The following PCDHGA8 variants were observed in gnomAD, a reference collection of about 807,000 sequenced individuals.
PCDHGA8 encodes protocadherin gamma subfamily A, 8.
In PCDHGA8, 45 loss-of-function variants were observed where a neutral mutation model predicts 59.2. The observed-to-expected ratio is 0.76, with a 90% CI of 0.60 to 0.98. The LOEUF is 0.98. Ranked by LOEUF, PCDHGA8 falls within the 50% of genes least tolerant of loss-of-function variation. The pLI, the probability that PCDHGA8 is intolerant of heterozygous loss-of-function variation, is 0.00. For synonymous variants in PCDHGA8, 531 were observed against 519.0 expected (o/e 1.02, Z -0.32); for missense variants, 1,257 against 1,196.2 (o/e 1.05, Z -0.75).
intron 1 of PCDHGA8, among the ~76,000 whole-genome samples, chr5:141,453,864 G>A (rs758778743): frequency 2.6e-5 from 4 of 152,192 alleles, no homozygotes; most frequent in Non-Finnish European, 5.9e-5. Context: ...GAAAATAACA[G>A]ATGAGCAAAA....
rs144018757 is a variant in PCDHGA8, at chr5:141,443,001, A to G, written c.2424+47764A>G. On this transcript the variant is annotated intron_variant, in intron 1 of 3. Transcript: ENST00000398604. ...GTTAGCCTATAATTTCAGTAAATCTAAGAATATGACTAATGGAAGTTGCCA... is the reference window on the plus strand; with the variant it reads ...GTTAGCCTATAATTTCAGTAAATCTGAGAATATGACTAATGGAAGTTGCCA... Among the ~76,000 whole-genome samples the G allele has an allele frequency of 1.3e-3, 194 of 152,312 alleles. 1 individual carries two copies. The East Asian group carries it at 0.032, about 25-fold the overall frequency.
In PCDHGA8 at chr5:141,485,076, G is replaced by A; in HGVS notation, c.2425-9731G>A. 2.1e-6 allele frequency: 2 copies of A among 944,586 alleles called. No homozygotes were observed. Among genetic ancestry groups the A allele is most frequent in the East Asian group, 2.4e-5 (1 of 41,508 alleles). The allele number at this position is 944,586 out of a possible 1,614,324, so 58.5% of individuals were successfully genotyped here. ...CCGAACCGCGCCAGAGCTGGCGCGG[G>A]GAAAGGGAGATAGGTGTCTCCAGCT... On this transcript the variant is annotated intron_variant, in intron 1 of 3. Coordinates refer to ENST00000398604, the MANE Select transcript of PCDHGA8 (RefSeq NM_032088.2). This position sits in a 1 kb window ranked among gnomAD's most constrained non-coding sequence, Gnocchi z 5.7.
At chr5:141,418,171 G>A (rs2096234086) in intron 1 of PCDHGA8, 1 of 1,613,952 alleles carries the variant, frequency 6.2e-7, no homozygotes, top group African/African-American at 1.3e-5. Flanking sequence ...GATGTGAGTT[G>A]CAATTGGAAG....
intron 1 of PCDHGA8, among the ~76,000 whole-genome samples, chr5:141,407,130 T>C (rs1218017139): frequency 1.3e-5 from 2 of 152,230 alleles, no homozygotes; most frequent in Non-Finnish European, 2.9e-5. Flanking sequence ...TTGCTTTATT[T>C]TTAAGAAAAA....
intron 1 of PCDHGA8, 136 bp downstream of exon 1, chr5:141,395,373 G>A (rs2150613921): frequency 1.7e-6 from 2 of 1,189,412 alleles, no homozygotes; most frequent in African/African-American, 3.1e-5. Context: ...TATTTTGGTG[G>A]TGTTACTATA....
At chr5:141,413,056 T>A in intron 1 of PCDHGA8, 1 of 1,030,200 alleles carries the variant, frequency 9.7e-7, no homozygotes, top group East Asian at 2.6e-5. Flanking sequence ...GGAAGCTCAC[T>A]CCAGAATTTA....
chr5:141,402,882 G>C, intron 1 of PCDHGA8: 2 of 1,479,680 alleles, frequency 1.4e-6, no homozygotes, highest in East Asian at 4.8e-5. Context: ...TACTTTGCAG[G>C]GTGGAAGAAA....
intron 1 of PCDHGA8, chr5:141,399,055 GA>G: frequency 7.4e-6 from 12 of 1,613,844 alleles, no homozygotes; most frequent in Non-Finnish European, 1.0e-5. Context: ...AGAGACCAAG[GA>G]ATATTCAATG....
At chr5:141,423,852 G>T (rs796757517) in intron 1 of PCDHGA8, 36 of 1,279,400 alleles carry the variant, frequency 2.8e-5, no homozygotes, top group Non-Finnish European at 3.5e-5. Context: ...CTTTCAGAAC[G>T]TTTTTGTGAA....
At chr5:141,446,295 G>A (rs146503397) in intron 1 of PCDHGA8, among the ~76,000 whole-genome samples, 1 of 152,196 alleles carries the variant, frequency 6.6e-6, no homozygotes, top group Non-Finnish European at 1.5e-5. Flanking sequence ...TGGGGAGCAG[G>A]GATTAAGAGT....
At chr5:141,421,281 C>T in intron 1 of PCDHGA8, 2 of 1,612,970 alleles carry the variant, frequency 1.2e-6, no homozygotes, top group South Asian at 2.2e-5. Flanking sequence ...TGCTGCTGTG[C>T]ATTTTCCTGG....
At position 141,433,290 on chromosome 5, in the gene PCDHGA8, C is replaced by T. The variant is rs186668064; in HGVS notation, c.2424+38053C>T. ...CTCACTGCAGCCTCAAACTCCTAGG[C>T]TCAAGCAATTATCCCACCTTTGCCT... On this transcript the variant is annotated intron_variant, in intron 1 of 3. Transcript: ENST00000398604. The T allele has an allele frequency of 1.6e-3, 1,738 of 1,107,746 alleles. 60 individuals carry two copies. In the Admixed American group the frequency reaches 0.041, roughly 26 times the overall value. 68.6% of individuals were successfully genotyped at this position (1,107,746 alleles called of 1,614,324 possible). A position where few individuals can be genotyped will look rare whatever the true frequency, so the allele number is the denominator to read the frequency against.
Position 141,451,147 on chromosome 5 carries a change from A to G in PCDHGA8, c.2425-43660A>G, listed in dbSNP as rs2098708727. ...CCAGCCTTATGATTGTATTTAGACT[A>G]GACATTTTTTTGGTAGTATATTATT... On this transcript the variant is annotated intron_variant, in intron 1 of 3. Coordinates refer to ENST00000398604, the MANE Select transcript of PCDHGA8 (RefSeq NM_032088.2). Among the ~76,000 whole-genome samples, 3 of 152,250 alleles carry G rather than the reference A, an allele frequency of 2.0e-5. No homozygotes were observed. In the South Asian group the frequency reaches 6.2e-4, roughly 32 times the overall value.
chr5:141,423,883 A>G, intron 1 of PCDHGA8: 2 of 1,283,462 alleles, frequency 1.6e-6, no homozygotes, highest in Non-Finnish European at 2.0e-6. Context: ...CAATCTTGGC[A>G]TATTTTCTTT....
At chr5:141,409,507 T>C (rs1220086382) in intron 1 of PCDHGA8, 3 of 1,613,982 alleles carry the variant, frequency 1.9e-6, no homozygotes, top group South Asian at 1.1e-5. Flanking sequence ...TTTCTTCCAG[T>C]AGAAGCATCA....
At chr5:141,447,520 T>C (rs1156521785) in intron 1 of PCDHGA8, among the ~76,000 whole-genome samples, 1 of 152,202 alleles carries the variant, frequency 6.6e-6, no homozygotes, top group Non-Finnish European at 1.5e-5. Context: ...ATAACAATCA[T>C]AACAAAATTG....
At position 141,498,660 on chromosome 5, in the gene PCDHGA8, G is replaced by A. The variant is rs969314533; in HGVS notation, c.2483+3795G>A. Among the ~76,000 whole-genome samples, 11 of 152,192 alleles carry A rather than the reference G, an allele frequency of 7.2e-5. No homozygotes were observed. In the East Asian group the frequency reaches 9.6e-4, roughly 13 times the overall value. ...GAAGGAAGAAGACCTGGCCAGGTGT[G>A]GTGGCTCACGCCTGTAATCCCAGCA... is the stretch of plus-strand genomic sequence containing the variant. On this transcript the variant is annotated intron_variant, in intron 2 of 3. Coordinates refer to ENST00000398604, the MANE Select transcript of PCDHGA8 (RefSeq NM_032088.2).
chr5:141,494,927 G>A, intron 2 of PCDHGA8, 62 bp downstream of exon 2: 1 of 1,613,516 alleles, frequency 6.2e-7, no homozygotes, highest in Non-Finnish European at 8.5e-7. Flanking sequence ...GATGACGTGG[G>A]AGGAGATGGG....
intron 1 of PCDHGA8, among the ~76,000 whole-genome samples, chr5:141,400,891 A>G (rs1266926061): frequency 6.6e-6 from 1 of 152,222 alleles, no homozygotes; most frequent in African/African-American, 2.4e-5. Context: ...GTATGTAATC[A>G]TTTAATTCAT....
Sources: gnomAD v4.1 joint callset for allele counts (sites outside exome capture counted in the v4.1 genomes callset) on GRCh38, gnomAD v4.1.1 for gene constraint, Gnocchi (gnomAD v3.1) non-coding constraint, MANE v1.5 for transcripts, NCBI Gene and HGNC (gene_info 2026-07-23, HGNC 2026-07-21) for gene names.